The following KCNIP1 variants were observed in gnomAD, a reference collection of about 807,000 sequenced individuals.
KCNIP1 encodes the protein potassium voltage-gated channel interacting protein 1.
KCNIP1 carries 18 observed loss-of-function variants against 33.0 expected under a neutral mutation model. That is an observed-to-expected ratio of 0.55 (90% CI 0.38 to 0.81). The LOEUF (loss-of-function observed/expected upper bound fraction) is 0.81. Among genes scored for constraint, KCNIP1 ranks in the 30% least tolerant of loss-of-function variants. The probability of loss-of-function intolerance (pLI) is 0.00; values close to 1 mark genes in which losing one functional copy is unlikely to be tolerated. For synonymous variants in KCNIP1, 93 were observed against 98.3 expected, an observed-to-expected ratio of 0.95 and a Z score of 0.32; for missense variants, 238 against 271.6, an observed-to-expected ratio of 0.88 and a Z score of 0.87.
intron 1 of KCNIP1, chr5:170,422,294 C>G (rs956963492): frequency 2.6e-5 from 4 of 152,228 alleles, no homozygotes; most frequent in African/African-American, 7.2e-5. Context: ...CCCACAGCTG[C>G]GTGACTATGT....
chr5:170,535,727 AG>A (rs1203076346), intron 1 of KCNIP1, among the ~76,000 whole-genome samples: 2 of 152,202 alleles, frequency 1.3e-5, no homozygotes, highest in Non-Finnish European at 2.9e-5. Context: ...TTATTCAGGG[AG>A]TGAGAATTAA....
intron 1 of KCNIP1, among the ~76,000 whole-genome samples, chr5:170,608,952 C>T (rs972145302): frequency 2.6e-5 from 4 of 152,120 alleles, no homozygotes; most frequent in Non-Finnish European, 5.9e-5. Context: ...GGCTCTGAGT[C>T]GGGCTCTGTC....
At chr5:170,437,204 G>A (rs1290468767) in intron 1 of KCNIP1, among the ~76,000 whole-genome samples, 1 of 152,130 alleles carries the variant, frequency 6.6e-6, no homozygotes, top group South Asian at 2.1e-4. Context: ...CTTCCCTGTG[G>A]GTCTAGGGAA....
chr5:170,680,813 T>C (rs1762314658), intron 1 of KCNIP1: 1 of 321,436 alleles, frequency 3.1e-6, no homozygotes, highest in Non-Finnish European at 5.6e-6. Context: ...TGGTTAAACC[T>C]TTGGAGAAAT....
intron 1 of KCNIP1, among the ~76,000 whole-genome samples, chr5:170,684,509 TG>T (rs1762472809): frequency 6.6e-6 from 1 of 152,234 alleles, no homozygotes; most frequent in African/African-American, 2.4e-5. Context: ...CATCAGTATT[TG>T]GAAATGTTTC....
chr5:170,652,263 C>G (rs764778335), intron 1 of KCNIP1, among the ~76,000 whole-genome samples: 1 of 152,036 alleles, frequency 6.6e-6, no homozygotes, highest in Non-Finnish European at 1.5e-5. Flanking sequence ...GTGGATGATT[C>G]GCTTGAGCCC....
In KCNIP1 at chr5:170,489,075, G is replaced by T. The variant is rs763900895; in HGVS notation, c.88+135111G>T. Among the ~76,000 whole-genome samples, 64 of 152,294 alleles carry T rather than the reference G, an allele frequency of 4.2e-4. No individual in the cohort carries two copies. The highest frequency in any genetic ancestry group is 7.1e-4 in the Non-Finnish European group (48 of 68,028). ...GATTTCATTAGTGTTAGAGAGGAAG[G>T]ATGTGCCTTCTCCCCCGGAGGCCAG... is the stretch of plus-strand genomic sequence containing the variant. On this transcript the variant is annotated intron_variant, in intron 1 of 7. Transcript: ENST00000377360. This position sits in a 1 kb window ranked among gnomAD's most constrained non-coding sequence, Gnocchi z 4.3.
At chr5:170,610,126 G>A (rs1248864829) in intron 1 of KCNIP1, among the ~76,000 whole-genome samples, 1 of 152,144 alleles carries the variant, frequency 6.6e-6, no homozygotes, top group African/African-American at 2.4e-5. Context: ...CACTACCTGG[G>A]AACCTGTTAG....
intron 1 of KCNIP1, among the ~76,000 whole-genome samples, chr5:170,622,039 T>A (rs1759624099): frequency 6.6e-6 from 1 of 152,180 alleles, no homozygotes; most frequent in South Asian, 2.1e-4. Context: ...GAGCCTCACT[T>A]TCCTTGTCTA....
At chr5:170,717,432 A>T (rs376735206) in intron 1 of KCNIP1, among the ~76,000 whole-genome samples, 1 of 152,210 alleles carries the variant, frequency 6.6e-6, no homozygotes. Flanking sequence ...CTAATTTATA[A>T]CAAATCATCT....
At chr5:170,388,733 G>A (rs1764588644) in intron 1 of KCNIP1, among the ~76,000 whole-genome samples, 1 of 152,178 alleles carries the variant, frequency 6.6e-6, no homozygotes, top group African/African-American at 2.4e-5. Flanking sequence ...TCCTGGCTCT[G>A]CCACTTACAC....
In KCNIP1 at chr5:170,441,424, G is replaced by A. The variant is rs117315005; in HGVS notation, c.88+87460G>A. ...CCTCTGGTGCTGGGGAGGGGTGGGG[G>A]GCCCATCTGTGAGCCTCTGGTGCCC... On this transcript the variant is annotated intron_variant, in intron 1 of 7. Coordinates refer to the KCNIP1 transcript ENST00000377360. Among the ~76,000 whole-genome samples the A allele has an allele frequency of 7.4e-4, 113 of 152,242 alleles. 1 individual carries two copies. The East Asian group carries it at 0.019, about 26-fold the overall frequency.
intron 1 of KCNIP1, among the ~76,000 whole-genome samples, chr5:170,534,154 A>T (rs570863870): frequency 3.9e-5 from 6 of 152,366 alleles, no homozygotes; most frequent in Admixed American, 2.0e-4. Context: ...GCCAAACAGG[A>T]TACTTTTATA....
intron 5 of KCNIP1, among the ~76,000 whole-genome samples, chr5:170,723,162 A>G (rs2113877517): frequency 1.3e-5 from 2 of 152,304 alleles, no homozygotes; most frequent in South Asian, 4.1e-4. Flanking sequence ...TCAAAGCTAA[A>G]AGTTGAAATG....
intron 1 of KCNIP1, among the ~76,000 whole-genome samples, chr5:170,607,791 G>T (rs1047945360): frequency 6.6e-6 from 1 of 152,196 alleles, no homozygotes; most frequent in African/African-American, 2.4e-5. Flanking sequence ...GAGGGTCTCA[G>T]CCGGCGGGGA....
intron 1 of KCNIP1, among the ~76,000 whole-genome samples, chr5:170,535,083 C>T (rs1375386490): frequency 6.6e-6 from 1 of 152,210 alleles, no homozygotes; most frequent in Non-Finnish European, 1.5e-5. Flanking sequence ...GTGGGCACAG[C>T]AGGGGCTGGG....
In KCNIP1 at chr5:170,383,970, CTT is replaced by C. The variant is rs1423198341; in HGVS notation, c.88+30007_88+30008del. 7 of 971,038 alleles carry C rather than the reference CTT, an allele frequency of 7.2e-6. No homozygotes were observed. In the African/African-American group the frequency reaches 1.1e-4, roughly 16 times the overall value. 60.2% of individuals were successfully genotyped at this position (971,038 alleles called of 1,614,324 possible). The stretch of plus-strand genomic sequence containing the variant: ...AGGGATCCAGGACTGGGATCCTCAT[CTT>C]GTCTTCAGCATCCAGCAATAAAGGC... On this transcript the variant is annotated intron_variant, in intron 1 of 7. Coordinates refer to the KCNIP1 transcript ENST00000377360.
intron 1 of KCNIP1, among the ~76,000 whole-genome samples, chr5:170,592,332 C>T (rs900626043): frequency 6.6e-6 from 1 of 152,190 alleles, no homozygotes; most frequent in Non-Finnish European, 1.5e-5. Context: ...CCCAATCCTT[C>T]TAACTCCCCA....
At chr5:170,625,427 C>T (rs1759784467) in intron 1 of KCNIP1, among the ~76,000 whole-genome samples, 1 of 152,236 alleles carries the variant, frequency 6.6e-6, no homozygotes, top group Non-Finnish European at 1.5e-5. Flanking sequence ...CGTAAGCTAC[C>T]AGCATCCCCT....
Sources: allele counts gnomAD v4.1 joint callset (sites outside exome capture counted in the v4.1 genomes callset), GRCh38; gene constraint gnomAD v4.1.1; non-coding constraint Gnocchi (gnomAD v3.1); transcripts MANE v1.5; gene names NCBI Gene and HGNC (gene_info 2026-07-23, HGNC 2026-07-21).